The following UNC5CL variants were observed in gnomAD, a reference collection of about 807,000 sequenced individuals.
UNC5CL encodes the protein UNC5C-like protein.
In UNC5CL, 42 loss-of-function variants were observed where a neutral mutation model predicts 54.1. That is an observed-to-expected ratio of 0.78 (90% CI 0.61 to 1.00). UNC5CL has a LOEUF of 1.00. Among genes scored for constraint, UNC5CL ranks in the 50% least tolerant of loss-of-function variants. The pLI is 0.00. For synonymous variants in UNC5CL, 285 were observed against 285.1 expected, an observed-to-expected ratio of 1.00 and a Z score of 0.00; for missense variants, 619 against 675.6, an observed-to-expected ratio of 0.92 and a Z score of 0.93.
In UNC5CL at chr6:41,033,903, G is replaced by C; in HGVS notation, c.664C>G (p.Arg222Gly). 1 of 1,613,710 alleles carries C rather than the reference G, an allele frequency of 6.2e-7. No individual in the cohort carries two copies. The highest frequency in any genetic ancestry group is 1.7e-4 in the Middle Eastern group (1 of 6,050). ...PGAHASRDEC[R>G]IHLSHFSLYT... is the part of the protein sequence containing the mutation. Reference sequence around the variant, plus strand: ...TACCTGAAGTGGGAGAGGTGGATGCGACACTCATCCCGGGAGGCGTGGGCC... The same window carrying C: ...TACCTGAAGTGGGAGAGGTGGATGCCACACTCATCCCGGGAGGCGTGGGCC... Residue 222 changes from arginine to glycine, a missense_variant, in exon 3 of 9, where the codon CGC becomes GGC. Transcript: ENST00000244565.
chr6:41,028,661 G>C lies in UNC5CL; in HGVS notation c.1335-66C>G. 6.8e-7 allele frequency: 1 copy of C among 1,477,326 alleles called. No individual in the cohort carries two copies. The highest frequency in any genetic ancestry group is 9.2e-7 in the Non-Finnish European group (1 of 1,081,150). The allele number at this position is 1,477,326 out of a possible 1,614,324, so 91.5% of individuals were successfully genotyped here. A position where few individuals can be genotyped will look rare whatever the true frequency, so the allele number is the denominator to read the frequency against. On this transcript the variant is annotated intron_variant, in intron 8 of 8. Coordinates refer to ENST00000244565, the MANE Select transcript of UNC5CL (RefSeq NM_173561.3). The surrounding 1 kb of genome is among the most constrained non-coding windows in gnomAD (Gnocchi z 4.3). ...GGGAGGGGCTCCCCCCCTGCTGCAG[G>C]CTCCCTGGGCTGCGCAGCGCAAGGT...
rs569399706 is a variant in UNC5CL at position 41,037,761 on chromosome 6, T to C, written c.-62+1401A>G. On this transcript the variant is annotated intron_variant, in intron 1 of 8. Coordinates refer to ENST00000244565, the MANE Select transcript of UNC5CL (RefSeq NM_173561.3). Reference sequence around the variant, plus strand: ...CACAGGTGAATCAGTGAATTGGCAGTGTCCCAAAGCTGATGGGAAGGGGGT... The same window carrying C: ...CACAGGTGAATCAGTGAATTGGCAGCGTCCCAAAGCTGATGGGAAGGGGGT... 2.0e-5 allele frequency among the ~76,000 whole-genome samples: 3 copies of C among 152,352 alleles called. No homozygotes were observed. The East Asian group carries it at 5.8e-4, about 29-fold the overall frequency.
Position 41,032,153 on chromosome 6 carries a change from A to G in UNC5CL, c.950-16T>C. 1 of 1,609,810 alleles carries G rather than the reference A, an allele frequency of 6.2e-7. No homozygotes were observed. Among genetic ancestry groups the G allele is most frequent in the Non-Finnish European group, 8.5e-7 (1 of 1,176,136 alleles). Reference sequence around the variant, plus strand: ...TTCTCCCAACCTGGTGAGTAGGCAGACAGCAGAGGGCCTCAGAGAGTGGGG... The same window carrying G: ...TTCTCCCAACCTGGTGAGTAGGCAGGCAGCAGAGGGCCTCAGAGAGTGGGG... On this transcript the variant is annotated splice_polypyrimidine_tract_variant and intron_variant, in intron 4 of 8. Transcript: ENST00000244565.
chr6:41,029,970 GCTTT>G lies in UNC5CL; in HGVS notation c.1334+414_1334+417del, dbSNP rs374220871. On this transcript the variant is annotated intron_variant, in intron 8 of 8. Coordinates refer to ENST00000244565, the MANE Select transcript of UNC5CL (RefSeq NM_173561.3). The surrounding 1 kb of genome is among the most constrained non-coding windows in gnomAD (Gnocchi z 4.1). ...CTGGAGCTTAGCTCAGTATTCTCCTGCTTTCTGAGTTCCTTGACAGGGATCATGA... is the reference window on the plus strand; with the variant it reads ...CTGGAGCTTAGCTCAGTATTCTCCTGCTGAGTTCCTTGACAGGGATCATGA... 5.6e-3 allele frequency among the ~76,000 whole-genome samples: 848 copies of G among 152,306 alleles called. 11 individuals are homozygous for G. Among genetic ancestry groups the G allele is most frequent in the African/African-American group, 0.019 (790 of 41,554 alleles).
At chr6:41,032,513 C>T (rs1020058439) in intron 4 of UNC5CL, among the ~76,000 whole-genome samples, 5 of 152,200 alleles carry the variant, frequency 3.3e-5, no homozygotes, top group Non-Finnish European at 7.3e-5. Context: ...AATCCCAACA[C>T]TTTCAGAGGC....
rs1762395023 is a variant in UNC5CL at position 41,026,926 on chromosome 6, A to G, written c.*1447T>C. On this transcript the variant is annotated 3_prime_UTR_variant, in exon 9 of 9. Coordinates refer to ENST00000244565, the MANE Select transcript of UNC5CL (RefSeq NM_173561.3). Reference sequence around the variant, plus strand: ...CATTCATCATAGAAAAAAAGCTTTAATATTTTTTAATTAAATACAGAAGAA... The same window carrying G: ...CATTCATCATAGAAAAAAAGCTTTAGTATTTTTTAATTAAATACAGAAGAA... The G allele has an allele frequency of 6.6e-6, 1 of 152,208 alleles. No homozygotes were observed. Among genetic ancestry groups the G allele is most frequent in the African/African-American group, 2.4e-5 (1 of 41,444 alleles). The allele number at this position is 152,208 out of a possible 1,614,324, so 9.4% of individuals were successfully genotyped here. A position where few individuals can be genotyped will look rare whatever the true frequency, so the allele number is the denominator to read the frequency against.
At chr6:41,036,024 G>A (rs910761039) in intron 1 of UNC5CL, among the ~76,000 whole-genome samples, 1 of 152,152 alleles carries the variant, frequency 6.6e-6, no homozygotes, top group African/African-American at 2.4e-5. Context: ...AAACAAAACT[G>A]CATATAAATA....
chr6:41,028,448 T>A lies in UNC5CL; in HGVS notation c.1482A>T (p.Thr494=). The A allele has an allele frequency of 6.2e-7, 1 of 1,613,638 alleles. No individual in the cohort carries two copies. The highest frequency in any genetic ancestry group is 8.5e-7 in the Non-Finnish European group (1 of 1,179,918). Residue 494 remains threonine, a synonymous_variant, in exon 9 of 9, where the codon ACA becomes ACT. Coordinates refer to ENST00000244565, the MANE Select transcript of UNC5CL (RefSeq NM_173561.3). The surrounding 1 kb of genome is among the most constrained non-coding windows in gnomAD (Gnocchi z 4.3). ...GCTCGGGGCCTGGGCTGCCGCCGTG[T>A]GTCCCACTCAGGTAGTTCTGGATGG... ...ASAIQNYLSG[T]HGGSPGPERG...
At chr6:41,031,774 C>T (rs1762455147) in intron 5 of UNC5CL, 26 bp from the exon 6 acceptor site, 1 of 1,613,228 alleles carries the variant, frequency 6.2e-7, no homozygotes, top group African/African-American at 1.3e-5. Flanking sequence ...GACAGCGTGG[C>T]CAGTGAGTGA....
In UNC5CL at chr6:41,028,417, C is replaced by T. The variant is rs745616336; in HGVS notation, c.1513G>A (p.Gly505Ser). The change falls in exon 9 of 9, where the codon GGC becomes AGC. Residue 505 changes from glycine (G) to serine (S), a missense_variant. Coordinates refer to ENST00000244565, the MANE Select transcript of UNC5CL (RefSeq NM_173561.3). The surrounding 1 kb of genome is among the most constrained non-coding windows in gnomAD (Gnocchi z 4.3). ...HGGSPGPERG[G>S]ARDNQGLELD... is the part of the protein sequence containing the mutation. ...TCCAGGCCCTGGTTATCCCGGGCGC[C>T]CCCGCGCTCGGGGCCTGGGCTGCCG... is the stretch of plus-strand genomic sequence containing the variant. The T allele has an allele frequency of 9.3e-6, 15 of 1,610,186 alleles. No homozygotes were observed. Among genetic ancestry groups the T allele is most frequent in the Non-Finnish European group, 1.7e-6 (2 of 1,178,678 alleles).
Position 41,031,834 on chromosome 6 carries a change from G to A in UNC5CL, c.1052-86C>T, listed in dbSNP as rs193171041. The A allele has an allele frequency of 1.0e-3, 1,482 of 1,451,674 alleles. 14 individuals carry two copies. In the African/African-American group the frequency reaches 0.018, roughly 18 times the overall value. The allele number at this position is 1,451,674 out of a possible 1,614,324, so 89.9% of individuals were successfully genotyped here. Reference sequence around the variant, plus strand: ...GAGAAGGTAAGGGACTCTATAGTAAGACTTGGGAAATCTGAGGAAGCTGGG... The same window carrying A: ...GAGAAGGTAAGGGACTCTATAGTAAAACTTGGGAAATCTGAGGAAGCTGGG... On this transcript the variant is annotated intron_variant, in intron 5 of 8. Transcript: ENST00000244565.
intron 1 of UNC5CL, among the ~76,000 whole-genome samples, chr6:41,038,303 T>A (rs578046715): frequency 3.7e-4 from 56 of 152,190 alleles, no homozygotes; most frequent in African/African-American, 1.2e-3. Flanking sequence ...GGGATGGAAT[T>A]GCTAAAGGGA....
At chr6:41,037,426 G>A (rs189389692) in intron 1 of UNC5CL, among the ~76,000 whole-genome samples, 251 of 152,316 alleles carry the variant, frequency 1.6e-3, no homozygotes, top group Admixed American at 3.3e-3. Context: ...GGCTGCACTG[G>A]AAGAGCTTCC....
At chr6:41,036,353 C>G (rs1762523761) in intron 1 of UNC5CL, among the ~76,000 whole-genome samples, 1 of 152,182 alleles carries the variant, frequency 6.6e-6, no homozygotes, top group Non-Finnish European at 1.5e-5. Context: ...CCAGTAGCCA[C>G]GTGTACTAAT....
At chr6:41,036,354 G>A (rs10947943) in intron 1 of UNC5CL, among the ~76,000 whole-genome samples, 17,835 of 152,218 alleles carry the variant, frequency 0.12, 1,361 homozygotes, top group South Asian at 0.21. Context: ...CAGTAGCCAC[G>A]TGTACTAATG....
Position 41,028,406 on chromosome 6 carries a change from A to T in UNC5CL, c.1524T>A (p.Asp508Glu). The change falls in exon 9 of 9, where the codon GAT (aspartate) becomes GAA (glutamate). Residue 508 changes from aspartate (D) to glutamate (E), a missense_variant. By Grantham distance (45) the Asp-to-Glu change is conservative (BLOSUM62 2). Transcript: ENST00000244565. The surrounding 1 kb of genome is among the most constrained non-coding windows in gnomAD (Gnocchi z 4.3). ...SPGPERGGAR[D>E]NQGLELDEKL Reference sequence around the variant, plus strand: ...TCTCGTCCAGCTCCAGGCCCTGGTTATCCCGGGCGCCCCCGCGCTCGGGGC... The same window carrying T: ...TCTCGTCCAGCTCCAGGCCCTGGTTTTCCCGGGCGCCCCCGCGCTCGGGGC... The T allele has an allele frequency of 6.2e-7, 1 of 1,605,482 alleles. No individual in the cohort carries two copies. Among genetic ancestry groups the T allele is most frequent in the East Asian group, 2.2e-5 (1 of 44,706 alleles).
In UNC5CL at chr6:41,034,130, T is replaced by C. The variant is rs1374248600; in HGVS notation, c.437A>G (p.Asp146Gly). Residue 146 changes from aspartate to glycine, a missense_variant, in exon 3 of 9, where the codon GAC becomes GGC. Transcript: ENST00000244565. ...GGACAGCGATGGGGCGTCCGACAGG[T>C]CCCACACCAGGATCAAAGACACCCG... ...QERVSLILVW[D>G]LSDAPSLSQA... The C allele has an allele frequency of 1.9e-6, 3 of 1,613,544 alleles. No individual in the cohort carries two copies. The highest frequency in any genetic ancestry group is 1.7e-6 in the Non-Finnish European group (2 of 1,179,758).
Position 41,033,072 on chromosome 6 carries a change from G to A in UNC5CL, c.761C>T (p.Ser254Leu), listed in dbSNP as rs554306978. The change falls in exon 4 of 9, where the codon TCA (serine) becomes TTA (leucine). Residue 254 changes from serine (S) to leucine (L), a missense_variant. Transcript: ENST00000244565. Reference protein sequence around the residue: ...RKWLQLAVFCSPLVPGQSHLQ... With the variant: ...RKWLQLAVFCLPLVPGQSHLQ... ...ATGGGACTGTCCTGGCACCAGCGGT[G>A]AGCAGAATACGGCCAGCTGCAGCCA... 7 of 1,613,302 alleles carry A rather than the reference G, an allele frequency of 4.3e-6. No homozygotes were observed. Among genetic ancestry groups the A allele is most frequent in the Middle Eastern group, 1.7e-4 (1 of 6,058 alleles).
rs1303279143 is a variant in UNC5CL at position 41,028,495 on chromosome 6, C to T, written c.1435G>A (p.Glu479Lys). ...ATGGCGGAGGCGCAGTCTAGCCGCT[C>T]CATGACGGTCATGAGGTAGTGCAGC... ...QELHYLMTVM[E>K]RLDCASAIQN... is the part of the protein sequence containing the mutation. Residue 479 changes from glutamate to lysine, a missense_variant, in exon 9 of 9, where the codon GAG becomes AAG. Coordinates refer to ENST00000244565, the MANE Select transcript of UNC5CL (RefSeq NM_173561.3). The surrounding 1 kb of genome is among the most constrained non-coding windows in gnomAD (Gnocchi z 4.3). 4 of 1,613,908 alleles carry T rather than the reference C, an allele frequency of 2.5e-6. No individual in the cohort carries two copies. The highest frequency in any genetic ancestry group is 3.4e-6 in the Non-Finnish European group (4 of 1,180,018).
Sources: allele counts gnomAD v4.1 joint callset (sites outside exome capture counted in the v4.1 genomes callset), GRCh38; gene constraint gnomAD v4.1.1; non-coding constraint Gnocchi (gnomAD v3.1); transcripts MANE v1.5; gene names NCBI Gene and HGNC (gene_info 2026-07-23, HGNC 2026-07-21).